Variants in C4orf51 observed in about 807,000 individuals in gnomAD.
The protein encoded by C4orf51 is uncharacterized protein C4orf51.
C4orf51 carries 25 observed loss-of-function variants against 25.2 expected under a neutral mutation model. The ratio of observed to expected loss-of-function variants is 0.99; its 90% CI spans 0.72 to 1.39. The LOEUF (loss-of-function observed/expected upper bound fraction) is 1.39. Among genes scored for constraint, C4orf51 ranks in the 40% most tolerant of loss-of-function variants. C4orf51 has a pLI of 0.00. For synonymous variants in C4orf51, 100 were observed against 84.5 expected (o/e 1.18, Z -1.01); for missense variants, 252 against 239.6 (o/e 1.05, Z -0.34).
intron 2 of C4orf51, among the ~76,000 whole-genome samples, chr4:145,701,136 T>G (rs1255961856): frequency 6.6e-6 from 1 of 152,048 alleles, no homozygotes; most frequent in Admixed American, 6.5e-5. Flanking sequence ...AATATACATT[T>G]TATTACCCAA....
chr4:145,757,543 T>TA (rs1267851326), downstream of C4orf51: 1 of 150,450 alleles, frequency 6.6e-6, no homozygotes, highest in Non-Finnish European at 1.5e-5. Flanking sequence ...CACAGAGAAG[T>TA]AAAAAACAGA....
In C4orf51 at chr4:145,761,071, A is replaced by C. The variant is rs538548201; in HGVS notation, n.167-9917A>C. The C allele has an allele frequency of 3.1e-6, 4 of 1,289,366 alleles. No individual in the cohort carries two copies. Among genetic ancestry groups the C allele is most frequent in the Non-Finnish European group, 3.0e-6 (3 of 988,646 alleles). 79.9% of individuals were successfully genotyped at this position (1,289,366 alleles called of 1,614,324 possible). A position where few individuals can be genotyped will look rare whatever the true frequency, so the allele number is the denominator to read the frequency against. Reference sequence around the variant, plus strand: ...GGTCTGCAGAGCCTGGGAGGCAGACATAACTGACAGGGGAGACAGGAGATT... The same window carrying C: ...GGTCTGCAGAGCCTGGGAGGCAGACCTAACTGACAGGGGAGACAGGAGATT... On this transcript the variant is annotated intron_variant and non_coding_transcript_variant, in intron 1 of 1. Coordinates refer to the C4orf51 transcript ENST00000510096. This position sits in a 1 kb window ranked among gnomAD's most constrained non-coding sequence, Gnocchi z 6.8.
chr4:145,730,398 C>T (rs1343032961), intron 5 of C4orf51, among the ~76,000 whole-genome samples: 1 of 152,130 alleles, frequency 6.6e-6, no homozygotes, highest in African/African-American at 2.4e-5. Flanking sequence ...ATCTATGGTC[C>T]CTGCTTCCCC....
the C4orf51 span, among the ~76,000 whole-genome samples, chr4:145,776,324 GGTGGCACGTGCCTGTAGTCCC>G: frequency 6.6e-6 from 1 of 152,004 alleles, no homozygotes; most frequent in South Asian, 2.1e-4. Context: ...AGTCAGGTGT[GGTGGCACGTGCCTGTAGTCCC>G]AGCTACTTGG....
At chr4:145,700,253 C>G (rs997206774) in intron 2 of C4orf51, among the ~76,000 whole-genome samples, 1 of 151,862 alleles carries the variant, frequency 6.6e-6, no homozygotes, top group Admixed American at 6.6e-5. Context: ...CCTCTTATCT[C>G]TGTGCCCCAA....
At chr4:145,726,731 C>G (rs1480173950) in intron 2 of C4orf51, among the ~76,000 whole-genome samples, 180 bp from the exon 3 acceptor site, 4 of 152,122 alleles carry the variant, frequency 2.6e-5, no homozygotes, top group African/African-American at 7.2e-5. Flanking sequence ...ACTGTATTGC[C>G]TCTACAGTGT....
At chr4:145,786,401 A>G in the C4orf51 span, among the ~76,000 whole-genome samples, 1 of 152,252 alleles carries the variant, frequency 6.6e-6, no homozygotes, top group East Asian at 1.9e-4. Flanking sequence ...TATGACCTCA[A>G]TGCATAAATA....
chr4:145,784,307 T>C, the C4orf51 span, among the ~76,000 whole-genome samples: 15 of 152,364 alleles, frequency 9.8e-5, no homozygotes, highest in African/African-American at 3.6e-4. Context: ...TTTGGACTTT[T>C]TGTTTTGTGA....
downstream of C4orf51, among the ~76,000 whole-genome samples, chr4:145,734,035 C>A (rs1732661425): frequency 6.6e-6 from 1 of 152,198 alleles, no homozygotes. Context: ...GATTAGAATT[C>A]TGTTTTAATT....
chr4:145,764,437 TGCTCGTTG>T (rs1434019519), intron 1 of C4orf51, among the ~76,000 whole-genome samples: 1 of 152,232 alleles, frequency 6.6e-6, no homozygotes, highest in Non-Finnish European at 1.5e-5. Context: ...TTAAAGATGA[TGCTCGTTG>T]TCTAGATCTT....
chr4:145,737,174 T>C (rs764141760), downstream of C4orf51, among the ~76,000 whole-genome samples: 4 of 152,282 alleles, frequency 2.6e-5, no homozygotes, highest in South Asian at 6.2e-4. Flanking sequence ...ATCATAATGA[T>C]TGTAGAAGAC....
At chr4:145,773,664 A>G (rs543442726), downstream of C4orf51, among the ~76,000 whole-genome samples, 6 of 152,390 alleles carry the variant, frequency 3.9e-5, no homozygotes, top group African/African-American at 1.4e-4. Context: ...GTTAACATCA[A>G]TAAATGGAAG....
At chr4:145,750,412 G>GTTTTTTTT (rs55700691) in intron 1 of C4orf51, among the ~76,000 whole-genome samples, 1 of 108,138 alleles carries the variant, frequency 9.2e-6, no homozygotes, top group Non-Finnish European at 1.9e-5. Flanking sequence ...TAGGGTAAAA[G>GTTTTTTTT]TTTTTTTTTT....
intron 1 of C4orf51, among the ~76,000 whole-genome samples, chr4:145,741,943 C>T (rs914310900): frequency 6.6e-6 from 1 of 152,112 alleles, no homozygotes; most frequent in African/African-American, 2.4e-5. Flanking sequence ...TCAAGTGATC[C>T]GCCTGCCTCG....
chr4:145,683,907 C>T (rs1413180978), intron 1 of C4orf51, among the ~76,000 whole-genome samples: 1 of 152,084 alleles, frequency 6.6e-6, no homozygotes, highest in Non-Finnish European at 1.5e-5. Context: ...AGCTGAATTT[C>T]ATTAAAATTA....
chr4:145,727,513 A>G (rs573840679), intron 3 of C4orf51, among the ~76,000 whole-genome samples: 1 of 152,242 alleles, frequency 6.6e-6, no homozygotes, highest in East Asian at 1.9e-4. Flanking sequence ...AGTGTTAATC[A>G]ACATAATTAT....
downstream of C4orf51, chr4:145,759,284 CTTTTTTCT>C (rs1400340450): frequency 4.0e-5 from 6 of 151,882 alleles, 1 homozygote; most frequent in Admixed American, 2.0e-4. Flanking sequence ...GATTTTTTTC[CTTTTTTCT>C]TTTTAAATCA....
rs1185933068 is a variant in C4orf51 at position 145,762,660 on chromosome 4, TC to T, written n.167-8326del. On this transcript the variant is annotated intron_variant and non_coding_transcript_variant, in intron 1 of 1. Transcript: ENST00000510096. The surrounding 1 kb of genome is among the most constrained non-coding windows in gnomAD (Gnocchi z 4.9). ...GCCTCTCTGTGGCTCGGTTTCTCCATCCTTTGCAGTGAGGCTACGCTACCAC... is the reference window on the plus strand; with the variant it reads ...GCCTCTCTGTGGCTCGGTTTCTCCATCTTTGCAGTGAGGCTACGCTACCAC... 2.6e-5 allele frequency among the ~76,000 whole-genome samples: 4 copies of T among 152,100 alleles called. No homozygotes were observed. Among genetic ancestry groups the T allele is most frequent in the African/African-American group, 9.7e-5 (4 of 41,404 alleles).
chr4:145,707,544 T>TA (rs781281644), intron 2 of C4orf51, among the ~76,000 whole-genome samples: 12 of 152,204 alleles, frequency 7.9e-5, no homozygotes, highest in Non-Finnish European at 1.8e-4. Context: ...AAGATTTAGG[T>TA]AGCTTTCCTA....
Sources: gnomAD v4.1 joint callset for allele counts (sites outside exome capture counted in the v4.1 genomes callset) on GRCh38, gnomAD v4.1.1 for gene constraint, Gnocchi (gnomAD v3.1) non-coding constraint, MANE v1.5 for transcripts, NCBI Gene and HGNC (gene_info 2026-07-23, HGNC 2026-07-21) for gene names.